Variants in PCNX2 observed in about 807,000 individuals in gnomAD.
The protein encoded by PCNX2 is pecanex 2.
In PCNX2, 168 loss-of-function variants were observed where a neutral mutation model predicts 223.8. The observed-to-expected ratio is 0.75, with a 90% CI of 0.66 to 0.85. PCNX2 has a LOEUF of 0.85. Ranked by LOEUF, PCNX2 falls within the 40% of genes least tolerant of loss-of-function variation. The pLI is 0.00. For synonymous variants in PCNX2, 1,006 were observed against 1,052.6 expected (o/e 0.96, Z 0.86); for missense variants, 2,507 against 2,675.5 (o/e 0.94, Z 1.39).
At chr1:233,309,969 A>G in the PCNX2 span, among the ~76,000 whole-genome samples, 6 of 152,296 alleles carry the variant, frequency 3.9e-5, no homozygotes, top group East Asian at 1.2e-3. Flanking sequence ...TCTGCCCATT[A>G]CACATCAAAT....
chr1:233,075,740 A>ACACACACAC (rs1558208132), intron 23 of PCNX2, among the ~76,000 whole-genome samples: 4 of 122,370 alleles, frequency 3.3e-5, no homozygotes, highest in African/African-American at 7.8e-5. Context: ...CACACACACA[A>ACACACACAC]CAGAAAAGAA....
chr1:233,111,162 G>A (rs1350444353), intron 21 of PCNX2, among the ~76,000 whole-genome samples: 2 of 152,142 alleles, frequency 1.3e-5, no homozygotes, highest in South Asian at 2.1e-4. Context: ...ATGGGCACTG[G>A]AGTCAGACCC....
rs565826560 is a variant in PCNX2 at position 233,010,547 on chromosome 1, T to C, written c.4952+4118A>G. Among the ~76,000 whole-genome samples the C allele has an allele frequency of 2.0e-5, 3 of 152,364 alleles. No individual in the cohort carries two copies. In the East Asian group the frequency reaches 5.8e-4, roughly 29 times the overall value. On this transcript the variant is annotated intron_variant, in intron 28 of 33. Transcript: ENST00000258229. The stretch of plus-strand genomic sequence containing the variant: ...ATCCACCTCATCACCTTTCATGTAT[T>C]TGAAGACAGTAATCAAACCATCTCA...
intron 21 of PCNX2, among the ~76,000 whole-genome samples, chr1:233,125,530 C>G (rs1482443069): frequency 6.6e-6 from 1 of 152,200 alleles, no homozygotes; most frequent in African/African-American, 2.4e-5. Flanking sequence ...CCATCTGCTT[C>G]CCCTGACTTC....
intron 20 of PCNX2, among the ~76,000 whole-genome samples, chr1:233,136,025 T>C (rs145836065): frequency 6.3e-4 from 96 of 152,322 alleles, no homozygotes; most frequent in South Asian, 2.7e-3. Context: ...ATTCTCCAGA[T>C]GATAAAGTCA....
At chr1:233,036,295 A>G (rs534462918) in intron 25 of PCNX2, among the ~76,000 whole-genome samples, 6 of 152,258 alleles carry the variant, frequency 3.9e-5, no homozygotes, top group Admixed American at 2.0e-4. Flanking sequence ...TATTTGTTAG[A>G]CCTCACTATA....
At chr1:233,241,879 T>C (rs894590565) in intron 8 of PCNX2, among the ~76,000 whole-genome samples, 4 of 152,198 alleles carry the variant, frequency 2.6e-5, no homozygotes, top group Non-Finnish European at 5.9e-5. Flanking sequence ...AGTGTCACTA[T>C]TATTTCTTCT....
At chr1:233,221,499 C>G (rs1207054761) in intron 10 of PCNX2, among the ~76,000 whole-genome samples, 1 of 152,176 alleles carries the variant, frequency 6.6e-6, no homozygotes, top group African/African-American at 2.4e-5. Context: ...GGTTCCCAAT[C>G]CTCTCTCCCT....
At chr1:233,117,866 C>A (rs865933807) in intron 21 of PCNX2, among the ~76,000 whole-genome samples, 30 of 150,406 alleles carry the variant, frequency 2.0e-4, no homozygotes, top group African/African-American at 6.8e-4. Context: ...AAAAATTAGC[C>A]GGGCGTAGTG....
intron 22 of PCNX2, 93 bp downstream of exon 22, chr1:233,095,662 T>C: frequency 8.5e-7 from 1 of 1,174,416 alleles, no homozygotes; most frequent in Non-Finnish European, 1.2e-6. Flanking sequence ...TTATAGACTT[T>C]AAAATCTTTT....
intron 19 of PCNX2, among the ~76,000 whole-genome samples, chr1:233,152,227 A>T (rs1457167410): frequency 6.6e-6 from 1 of 152,106 alleles, no homozygotes; most frequent in Non-Finnish European, 1.5e-5. Flanking sequence ...GTTTCTAAAA[A>T]CTCAGCTCGA....
intron 19 of PCNX2, among the ~76,000 whole-genome samples, chr1:233,145,541 C>T (rs1415866182): frequency 6.6e-6 from 1 of 152,044 alleles, no homozygotes; most frequent in Non-Finnish European, 1.5e-5. Flanking sequence ...TGGAATGACC[C>T]TGAGTCTTTT....
intron 25 of PCNX2, among the ~76,000 whole-genome samples, chr1:233,025,818 A>G (rs1344668240): frequency 6.6e-6 from 1 of 152,224 alleles, no homozygotes; most frequent in East Asian, 1.9e-4. Flanking sequence ...TAAGGATGAA[A>G]TAAAATGGCA....
At chr1:233,315,337 A>AT in the PCNX2 span, among the ~76,000 whole-genome samples, 211 of 152,374 alleles carry the variant, frequency 1.4e-3, 1 homozygote, top group African/African-American at 4.7e-3. Context: ...CATACGCTTC[A>AT]TGCATTAACA....
intron 20 of PCNX2, among the ~76,000 whole-genome samples, chr1:233,137,842 T>C (rs889322322): frequency 3.9e-5 from 6 of 152,308 alleles, no homozygotes; most frequent in African/African-American, 1.2e-4. Flanking sequence ...CCCTACTTGG[T>C]TGTTCATGCA....
intron 32 of PCNX2, among the ~76,000 whole-genome samples, chr1:232,997,989 G>A (rs1188144019): frequency 6.6e-6 from 1 of 152,196 alleles, no homozygotes; most frequent in Non-Finnish European, 1.5e-5. Flanking sequence ...GGAATGGAAT[G>A]CAGCGACCCC....
chr1:233,134,033 G>A (rs1354450399), intron 21 of PCNX2, among the ~76,000 whole-genome samples: 1 of 151,874 alleles, frequency 6.6e-6, no homozygotes, highest in Non-Finnish European at 1.5e-5. Context: ...AAATAAAGAT[G>A]AACAGAACTG....
chr1:233,190,433 C>T (rs1680355849), intron 15 of PCNX2, among the ~76,000 whole-genome samples: 1 of 152,148 alleles, frequency 6.6e-6, no homozygotes, highest in Admixed American at 6.5e-5. Context: ...GAGAGTCAGT[C>T]TGAGACTATT....
intron 12 of PCNX2, among the ~76,000 whole-genome samples, chr1:233,210,731 T>G (rs2102915442): frequency 6.6e-6 from 1 of 152,334 alleles, no homozygotes; most frequent in Admixed American, 6.5e-5. Context: ...CTCCGCCAGC[T>G]GAAGTCTGAT....
Sources: allele counts gnomAD v4.1 joint callset (sites outside exome capture counted in the v4.1 genomes callset), GRCh38; gene constraint gnomAD v4.1.1; transcripts MANE v1.5; gene names NCBI Gene and HGNC (gene_info 2026-07-23, HGNC 2026-07-21).